Variants in KDM4B observed in about 807,000 individuals in gnomAD.
KDM4B encodes the protein lysine-specific demethylase 4B.
Under a neutral mutation model 125.2 loss-of-function variants are expected in KDM4B, and 32 were observed. The observed-to-expected ratio is 0.26, with a 90% confidence interval of 0.19 to 0.34. KDM4B has a LOEUF of 0.34. Among genes scored for constraint, KDM4B ranks in the 10% least tolerant of loss-of-function variants. The probability of loss-of-function intolerance (pLI) is 1.00; values close to 1 mark genes in which losing one functional copy is unlikely to be tolerated. For synonymous variants in KDM4B, 721 were observed against 677.9 expected (o/e 1.06, Z -0.99); for missense variants, 1,190 against 1,577.7 (o/e 0.75, Z 4.16).
intron 6 of KDM4B, among the ~76,000 whole-genome samples, chr19:5,056,083 A>G (rs1364059614): frequency 6.6e-6 from 1 of 152,156 alleles, no homozygotes; most frequent in Non-Finnish European, 1.5e-5. Context: ...TGCCCTGGAC[A>G]GTGTTGAGGA....
intron 6 of KDM4B, among the ~76,000 whole-genome samples, chr19:5,060,519 C>T (rs973602861): frequency 1.4e-5 from 2 of 145,376 alleles, no homozygotes; most frequent in Non-Finnish European, 3.0e-5. Flanking sequence ...CCTCTGTGCT[C>T]TTAGGAGACT....
At chr19:5,032,263 C>T (rs1327655597) in intron 2 of KDM4B, among the ~76,000 whole-genome samples, 3 of 152,190 alleles carry the variant, frequency 2.0e-5, no homozygotes, top group Admixed American at 6.5e-5. Context: ...GTTTATGACC[C>T]GCGTGACTCT....
intron 2 of KDM4B, among the ~76,000 whole-genome samples, chr19:5,028,212 A>G (rs1599448920): frequency 6.6e-6 from 1 of 152,086 alleles, no homozygotes; most frequent in Admixed American, 6.6e-5. Flanking sequence ...CCTGGGCTAG[A>G]GCACCCCTCC....
In KDM4B at chr19:5,137,505, T is replaced by C. The variant is rs2039670069; in HGVS notation, c.2386-116T>C. On this transcript the variant is annotated intron_variant, in intron 16 of 22. Coordinates refer to ENST00000159111, the MANE Select transcript of KDM4B (RefSeq NM_015015.3). ...GATTCCCACCCGTCACTTTGGTGGCTGCTAGGTTGAAATATAAGGGCCGTG... is the reference window on the plus strand; with the variant it reads ...GATTCCCACCCGTCACTTTGGTGGCCGCTAGGTTGAAATATAAGGGCCGTG... The C allele has an allele frequency of 4.8e-6, 6 of 1,259,572 alleles. No homozygotes were observed. In the Admixed American group the frequency reaches 1.2e-4, roughly 25 times the overall value. The allele number at this position is 1,259,572 out of a possible 1,614,324, so 78.0% of individuals were successfully genotyped here.
chr19:5,013,547 C>A (rs538805699), intron 1 of KDM4B, among the ~76,000 whole-genome samples: 1 of 152,180 alleles, frequency 6.6e-6, no homozygotes, highest in Admixed American at 6.5e-5. Flanking sequence ...TGGAGGCTCC[C>A]GGAGACAGTC....
At chr19:5,102,171 T>G (rs769281159) in intron 9 of KDM4B, among the ~76,000 whole-genome samples, 1 of 152,196 alleles carries the variant, frequency 6.6e-6, no homozygotes, top group Non-Finnish European at 1.5e-5. Context: ...GCCGTCCGTC[T>G]GCTCGCCACG....
chr19:4,994,021 T>TG (rs1555688398), intron 1 of KDM4B, among the ~76,000 whole-genome samples: 3 of 22,248 alleles, frequency 1.3e-4, no homozygotes, highest in Admixed American at 6.6e-4. Flanking sequence ...TTTCAGCCTG[T>TG]TTTTTTTTTT....
intron 9 of KDM4B, among the ~76,000 whole-genome samples, chr19:5,089,302 A>G (rs1256321618): frequency 2.4e-4 from 36 of 152,298 alleles, no homozygotes; most frequent in Admixed American, 2.3e-3. Flanking sequence ...CATGGGTTAC[A>G]CATGTGTCTC....
At chr19:5,129,901 C>A (rs1568315224) in intron 11 of KDM4B, among the ~76,000 whole-genome samples, 2 of 152,204 alleles carry the variant, frequency 1.3e-5, no homozygotes, top group Admixed American at 6.5e-5. Context: ...CACAACTTAC[C>A]CTGAGTGCGG....
intron 9 of KDM4B, among the ~76,000 whole-genome samples, chr19:5,104,836 G>A (rs1034978757): frequency 1.3e-5 from 2 of 152,204 alleles, no homozygotes; most frequent in East Asian, 3.8e-4. Flanking sequence ...GGGAGAACCA[G>A]AGCCTGACTC....
At chr19:5,015,041 G>A (rs1361437097) in intron 1 of KDM4B, among the ~76,000 whole-genome samples, 2 of 151,760 alleles carry the variant, frequency 1.3e-5, no homozygotes, top group African/African-American at 4.8e-5. Context: ...CAGGGGGCGA[G>A]CTCCTCTGCC....
intron 5 of KDM4B, among the ~76,000 whole-genome samples, chr19:5,043,738 G>A (rs1242978912): frequency 1.4e-5 from 2 of 143,814 alleles, no homozygotes; most frequent in African/African-American, 5.4e-5. Context: ...GGTGTTTATC[G>A]GAGTGGGGGT....
At chr19:5,061,898 C>T (rs539695571) in intron 6 of KDM4B, among the ~76,000 whole-genome samples, 72 of 152,166 alleles carry the variant, frequency 4.7e-4, no homozygotes, top group Non-Finnish European at 8.1e-4. Flanking sequence ...AATAGGGTAG[C>T]TTTCCATCAG....
intron 1 of KDM4B, among the ~76,000 whole-genome samples, chr19:4,970,712 ACGGGGT>A (rs776798035): frequency 0.19 from 29,300 of 152,074 alleles, 3,238 homozygotes; most frequent in Middle Eastern, 0.35. Context: ...TTGTCAACAC[ACGGGGT>A]CAGCCTTCTC....
intron 2 of KDM4B, among the ~76,000 whole-genome samples, chr19:5,019,636 GTGTT>G (rs1331411276): frequency 1.3e-5 from 2 of 148,942 alleles, no homozygotes; most frequent in Admixed American, 6.7e-5. Flanking sequence ...TGGTGTACAG[GTGTT>G]TGTGTGGACG....
At chr19:5,058,337 G>A (rs1166847282) in intron 6 of KDM4B, among the ~76,000 whole-genome samples, 3 of 152,192 alleles carry the variant, frequency 2.0e-5, no homozygotes, top group Non-Finnish European at 2.9e-5. Flanking sequence ...GACACTCCAC[G>A]CGCAACCCCC....
intron 6 of KDM4B, among the ~76,000 whole-genome samples, chr19:5,050,455 G>A (rs1408627122): frequency 1.3e-5 from 2 of 152,238 alleles, no homozygotes; most frequent in African/African-American, 2.4e-5. Flanking sequence ...CGGGGGGGCC[G>A]GAGTGCAGGT....
chr19:4,972,322 G>A (rs2034289122), intron 1 of KDM4B, among the ~76,000 whole-genome samples: 1 of 152,100 alleles, frequency 6.6e-6, no homozygotes. Flanking sequence ...TCTGTAAAAT[G>A]GGTGTAATGG....
chr19:5,024,257 G>T (rs2036212876), intron 2 of KDM4B, among the ~76,000 whole-genome samples: 1 of 152,164 alleles, frequency 6.6e-6, no homozygotes. Context: ...GGGGTCATGT[G>T]GACAGGATGC....
Sources: gnomAD v4.1 joint callset for allele counts (sites outside exome capture counted in the v4.1 genomes callset) on GRCh38, gnomAD v4.1.1 for gene constraint, MANE v1.5 for transcripts, NCBI Gene and HGNC (gene_info 2026-07-23, HGNC 2026-07-21) for gene names.